The following NELL2 variants were observed in gnomAD, a reference collection of about 807,000 sequenced individuals.
NELL2 encodes the protein neural EGFL like 2.
A neutral mutation model predicts 109.6 loss-of-function variants in NELL2; 41 were observed. The ratio of observed to expected loss-of-function variants is 0.37; its 90% CI spans 0.29 to 0.49. NELL2 has a LOEUF of 0.49. NELL2 is among the 20% of genes least tolerant of loss of function. The pLI is 0.98. For synonymous variants in NELL2, 355 were observed against 344.7 expected, an observed-to-expected ratio of 1.03 and a Z score of -0.33; for missense variants, 900 against 1,008.3, an observed-to-expected ratio of 0.89 and a Z score of 1.45.
intron 3 of NELL2, among the ~76,000 whole-genome samples, chr12:44,794,913 T>G (rs1020201067): frequency 7.0e-6 from 1 of 142,190 alleles, no homozygotes; most frequent in Non-Finnish European, 1.5e-5. Context: ...CTCCCTGATT[T>G]GTTAGAATTT....
At chr12:44,862,910 A>G (rs1944882309) in intron 2 of NELL2, among the ~76,000 whole-genome samples, 1 of 152,232 alleles carries the variant, frequency 6.6e-6, no homozygotes, top group South Asian at 2.1e-4. Flanking sequence ...GGAGTTTAAG[A>G]AGGAAGAAGA....
At chr12:44,799,354 A>G (rs1212100615) in intron 3 of NELL2, among the ~76,000 whole-genome samples, 1 of 152,128 alleles carries the variant, frequency 6.6e-6, no homozygotes, top group Non-Finnish European at 1.5e-5. Flanking sequence ...TTTGGAGATC[A>G]GATTCATTAT....
chr12:44,568,049 A>G (rs1200749785), intron 15 of NELL2, among the ~76,000 whole-genome samples: 1 of 152,168 alleles, frequency 6.6e-6, no homozygotes, highest in Non-Finnish European at 1.5e-5. Flanking sequence ...TATTTATAAA[A>G]GTAAAACAGA....
chr12:44,574,342 A>G (rs1748174528), intron 15 of NELL2, among the ~76,000 whole-genome samples: 1 of 152,182 alleles, frequency 6.6e-6, no homozygotes, highest in African/African-American at 2.4e-5. Flanking sequence ...AAGAGTTGAA[A>G]TTTTATAAAA....
chr12:44,905,428 T>A (rs1945708773), intron 1 of NELL2, among the ~76,000 whole-genome samples: 1 of 152,052 alleles, frequency 6.6e-6, no homozygotes, highest in African/African-American at 2.4e-5. Context: ...AGCTGTTTAT[T>A]AATCTTACAT....
chr12:44,751,109 G>A (rs1940630655), intron 9 of NELL2, among the ~76,000 whole-genome samples: 2 of 152,076 alleles, frequency 1.3e-5, no homozygotes, highest in African/African-American at 4.8e-5. Flanking sequence ...CTTCTGTGGA[G>A]GTCAAAGAGA....
At chr12:44,808,977 T>C (rs1200423691) in intron 3 of NELL2, among the ~76,000 whole-genome samples, 1 of 152,090 alleles carries the variant, frequency 6.6e-6, no homozygotes, top group Non-Finnish European at 1.5e-5. Context: ...TATCTCCATG[T>C]ATGCTATCTG....
intron 13 of NELL2, among the ~76,000 whole-genome samples, chr12:44,631,830 C>G (rs192268558): frequency 3.3e-3 from 505 of 152,206 alleles, no homozygotes; most frequent in Non-Finnish European, 5.8e-3. Flanking sequence ...CTTATTCTGT[C>G]AGGGAGCTTA....
intron 9 of NELL2, among the ~76,000 whole-genome samples, chr12:44,750,093 C>A (rs1179285621): frequency 6.6e-6 from 1 of 152,050 alleles, no homozygotes; most frequent in Non-Finnish European, 1.5e-5. Flanking sequence ...AAAGTCCCCT[C>A]CTCTGCAAAG....
intron 9 of NELL2, among the ~76,000 whole-genome samples, chr12:44,771,155 G>C (rs890435562): frequency 1.3e-5 from 2 of 152,016 alleles, no homozygotes; most frequent in African/African-American, 4.8e-5. Context: ...AAATGTCCCT[G>C]TTTGCTAGTT....
At chr12:44,761,180 G>C (rs1941109646) in intron 9 of NELL2, among the ~76,000 whole-genome samples, 3 of 152,126 alleles carry the variant, frequency 2.0e-5, no homozygotes. Flanking sequence ...TGACTAACAT[G>C]GAGAAACCCC....
At chr12:44,890,420 T>G (rs372387284) in intron 1 of NELL2, among the ~76,000 whole-genome samples, 3 of 152,232 alleles carry the variant, frequency 2.0e-5, no homozygotes, top group African/African-American at 7.2e-5. Context: ...TCAAGTAATT[T>G]GTTCAAAATC....
chr12:44,689,491 T>G (rs1402904833), intron 12 of NELL2, among the ~76,000 whole-genome samples: 3 of 152,252 alleles, frequency 2.0e-5, no homozygotes, highest in South Asian at 2.1e-4. Flanking sequence ...ATTATATCTC[T>G]CTCACCATAG....
chr12:44,720,630 C>T (rs1938720463), intron 9 of NELL2, among the ~76,000 whole-genome samples: 1 of 152,172 alleles, frequency 6.6e-6, no homozygotes, highest in African/African-American at 2.4e-5. Context: ...AAACTTTCTT[C>T]TTTCCCTATA....
chr12:44,598,886 C>G (rs1384880351), intron 15 of NELL2, among the ~76,000 whole-genome samples: 1 of 120,606 alleles, frequency 8.3e-6, no homozygotes, highest in Non-Finnish European at 1.8e-5. Flanking sequence ...CACACACACT[C>G]TCTCTCTCTC....
chr12:44,812,413 C>T (rs1164173745), intron 3 of NELL2, among the ~76,000 whole-genome samples: 2 of 152,110 alleles, frequency 1.3e-5, no homozygotes, highest in Admixed American at 6.6e-5. Context: ...CACAAAAGGC[C>T]ATATGAGAAA....
At chr12:44,728,896 T>G (rs924729643) in intron 9 of NELL2, among the ~76,000 whole-genome samples, 2 of 151,940 alleles carry the variant, frequency 1.3e-5, no homozygotes, top group Admixed American at 1.3e-4. Flanking sequence ...CCTTCAAAAA[T>G]TAGGAAAAAA....
rs1323659013 is a variant in NELL2, at chr12:44,875,430, A to C, written c.56-77T>G. On this transcript the variant is annotated intron_variant, in intron 1 of 19. Coordinates refer to ENST00000429094, the MANE Select transcript of NELL2 (RefSeq NM_001145108.2). ...TGCAAGTCTCTTCCTCCAGGGCAGC[A>C]AAGAACCGCGTTTTCGCGACAATAT... 3.0e-5 allele frequency: 49 copies of C among 1,613,876 alleles called. 1 individual carries two copies. The highest frequency in any genetic ancestry group is 4.0e-5 in the Non-Finnish European group (47 of 1,179,934).
chr12:44,747,207 C>A (rs1448655201), intron 9 of NELL2, among the ~76,000 whole-genome samples: 1 of 151,934 alleles, frequency 6.6e-6, no homozygotes, highest in Non-Finnish European at 1.5e-5. Context: ...GGACAAAAAA[C>A]CAAACACCAC....
Sources: gnomAD v4.1 joint callset for allele counts (sites outside exome capture counted in the v4.1 genomes callset) on GRCh38, gnomAD v4.1.1 for gene constraint, MANE v1.5 for transcripts, NCBI Gene and HGNC (gene_info 2026-07-23, HGNC 2026-07-21) for gene names.